Variants in POLR3E observed in about 807,000 individuals in gnomAD.
POLR3E encodes DNA-directed RNA polymerase III subunit RPC5.
POLR3E carries 41 observed loss-of-function variants against 96.6 expected under a neutral mutation model. The observed-to-expected ratio is 0.42, with a 90% confidence interval of 0.33 to 0.55. POLR3E has a LOEUF of 0.55. Ranked by LOEUF, POLR3E falls within the 20% of genes least tolerant of loss-of-function variation. The pLI, the probability that POLR3E is intolerant of heterozygous loss-of-function variation, is 0.06. For synonymous variants in POLR3E, 396 were observed against 383.6 expected (o/e 1.03, Z -0.38); for missense variants, 849 against 952.1 (o/e 0.89, Z 1.43).
At chr16:22,305,337 C>G in intron 3 of POLR3E, 131 bp downstream of exon 3, 1 of 768,012 alleles carries the variant, frequency 1.3e-6, no homozygotes, top group Non-Finnish European at 2.4e-6. Flanking sequence ...CATGGGGTCT[C>G]TTTGCTTTCG....
chr16:22,321,512 C>T (rs772777958), intron 13 of POLR3E, among the ~76,000 whole-genome samples: 1 of 152,180 alleles, frequency 6.6e-6, no homozygotes, highest in African/African-American at 2.4e-5. Flanking sequence ...TTTGCAATGG[C>T]GCATCGCGTA....
chr16:22,330,888 G>A (rs1293598077), intron 19 of POLR3E, among the ~76,000 whole-genome samples: 1 of 149,752 alleles, frequency 6.7e-6, no homozygotes, highest in Non-Finnish European at 1.5e-5. Context: ...AGCTAAGTAT[G>A]GAACAATGTG....
chr16:22,330,846 C>T (rs58893423), intron 19 of POLR3E, among the ~76,000 whole-genome samples: 1 of 152,124 alleles, frequency 6.6e-6, no homozygotes, highest in Non-Finnish European at 1.5e-5. Flanking sequence ...TCCATCTCCT[C>T]TTAATGTTTG....
At position 22,313,783 on chromosome 16, in the gene POLR3E, C is replaced by A; in HGVS notation, c.472+56C>A. On this transcript the variant is annotated intron_variant, in intron 7 of 20. Coordinates refer to ENST00000299853, the MANE Select transcript of POLR3E (RefSeq NM_018119.4). The surrounding 1 kb of genome is among the most constrained non-coding windows in gnomAD (Gnocchi z 4.1). ...GCCTGCCTTCATCCTGGTGGGATGG[C>A]TTGGTCCTGGGAAGAGGGATGGGAT... is the stretch of plus-strand genomic sequence containing the variant. 8.0e-7 allele frequency: 1 copy of A among 1,247,954 alleles called. No homozygotes were observed. Among genetic ancestry groups the A allele is most frequent in the East Asian group, 2.3e-5 (1 of 43,152 alleles). The allele number at this position is 1,247,954 out of a possible 1,614,324, so 77.3% of individuals were successfully genotyped here. A position where few individuals can be genotyped will look rare whatever the true frequency, so the allele number is the denominator to read the frequency against.
At chr16:22,331,495 G>A (rs1421338085) in intron 19 of POLR3E, 1 of 152,328 alleles carries the variant, frequency 6.6e-6, no homozygotes, top group East Asian at 1.9e-4. Context: ...ATAAAATCCT[G>A]TGAGTTGTTA....
At chr16:22,323,808 C>T (rs1189367222) in intron 14 of POLR3E, among the ~76,000 whole-genome samples, 1 of 152,124 alleles carries the variant, frequency 6.6e-6, no homozygotes. Flanking sequence ...GGGGTGTGGT[C>T]CAGTCTATGT....
In POLR3E at chr16:22,313,970, C is replaced by T. The variant is rs561323223; in HGVS notation, c.473-109C>T. On this transcript the variant is annotated intron_variant, in intron 7 of 20. Coordinates refer to ENST00000299853, the MANE Select transcript of POLR3E (RefSeq NM_018119.4). The surrounding 1 kb of genome is among the most constrained non-coding windows in gnomAD (Gnocchi z 4.1). Reference sequence around the variant, plus strand: ...CCACTGGCTTAGGCAGCTCCCTCTGCGAGGAGAACTCCCAGCACCCCGGCC... The same window carrying T: ...CCACTGGCTTAGGCAGCTCCCTCTGTGAGGAGAACTCCCAGCACCCCGGCC... 6.2e-6 allele frequency: 6 copies of T among 967,650 alleles called. No homozygotes were observed. In the South Asian group the frequency reaches 8.0e-5, roughly 13 times the overall value. The allele number at this position is 967,650 out of a possible 1,614,324, so 59.9% of individuals were successfully genotyped here.
At chr16:22,301,648 G>T (rs999307993) in intron 1 of POLR3E, among the ~76,000 whole-genome samples, 1 of 147,952 alleles carries the variant, frequency 6.8e-6, no homozygotes, top group Non-Finnish European at 1.5e-5. Flanking sequence ...GGTCTCAGCC[G>T]GGCGCAGTGG....
intron 19 of POLR3E, 82 bp downstream of exon 19, chr16:22,328,669 C>A: frequency 1.8e-6 from 2 of 1,088,696 alleles, no homozygotes; most frequent in Non-Finnish European, 2.8e-6. Context: ...ACATGTGCAC[C>A]CAAAGTGCAG....
At chr16:22,301,486 C>T (rs1192064018) in intron 1 of POLR3E, among the ~76,000 whole-genome samples, 1 of 152,150 alleles carries the variant, frequency 6.6e-6, no homozygotes, top group Admixed American at 6.5e-5. Flanking sequence ...GAGGCTGAGG[C>T]AGGAGAATCA....
At chr16:22,327,822 T>C (rs1449321315) in intron 18 of POLR3E, 1 of 152,284 alleles carries the variant, frequency 6.6e-6, no homozygotes, top group East Asian at 1.9e-4. Context: ...CAGTTTCTAA[T>C]GCTCAAATGC....
chr16:22,334,976 T>G lies in POLR3E; in HGVS notation c.*1276T>G, dbSNP rs113100028. 16 of 152,256 alleles carry G rather than the reference T, an allele frequency of 1.1e-4. No homozygotes were observed. The highest frequency in any genetic ancestry group is 1.5e-5 in the Non-Finnish European group (1 of 68,054). The allele number at this position is 152,256 out of a possible 1,614,324, so 9.4% of individuals were successfully genotyped here. On this transcript the variant is annotated 3_prime_UTR_variant, in exon 21 of 21. Transcript: ENST00000299853. ...TCTAATATTTTAGCTATAGAATCAC[T>G]AAGGCATTGATCAAGGATGTACTTT...
chr16:22,327,011 C>G (rs2048611224), intron 18 of POLR3E: 1 of 152,760 alleles, frequency 6.5e-6, no homozygotes, highest in African/African-American at 2.4e-5. Flanking sequence ...AGAGTGCTTG[C>G]TGGGGACCGT....
Position 22,308,193 on chromosome 16 carries a change from C to T in POLR3E, c.133C>T (p.Leu45Phe), listed in dbSNP as rs778642427. ...ASMTYDDIPH[L>F]SAKIKPKQQK... ...GATGACCTACGATGACATTCCGCACCTCTCAGCCAAGATCAAGCCCAAGCA... is the reference window on the plus strand; with the variant it reads ...GATGACCTACGATGACATTCCGCACTTCTCAGCCAAGATCAAGCCCAAGCA... The change falls in exon 4 of 21, where the codon CTC (leucine) becomes TTC (phenylalanine). Residue 45 changes from leucine to phenylalanine, a missense_variant. Coordinates refer to ENST00000299853, the MANE Select transcript of POLR3E (RefSeq NM_018119.4). 3.1e-6 allele frequency: 5 copies of T among 1,613,678 alleles called. No homozygotes were observed. The East Asian group carries it at 6.7e-5, about 22-fold the overall frequency.
At chr16:22,325,328 C>A in intron 17 of POLR3E, 62 bp downstream of exon 17, 1 of 1,337,920 alleles carries the variant, frequency 7.5e-7, no homozygotes, top group Non-Finnish European at 1.1e-6. Context: ...GGAAGGGCTG[C>A]TGTGCTAGAG....
In POLR3E at chr16:22,313,153, T is replaced by A. The variant is rs1393700304; in HGVS notation, c.365-467T>A. On this transcript the variant is annotated intron_variant, in intron 6 of 20. Coordinates refer to ENST00000299853, the MANE Select transcript of POLR3E (RefSeq NM_018119.4). The surrounding 1 kb of genome is among the most constrained non-coding windows in gnomAD (Gnocchi z 4.1). Reference sequence around the variant, plus strand: ...TCTTCTCCAGCCACAGTGGCACTAGTGGACTTCCTAGTGGAACGGGTGGGA... The same window carrying A: ...TCTTCTCCAGCCACAGTGGCACTAGAGGACTTCCTAGTGGAACGGGTGGGA... Among the ~76,000 whole-genome samples the A allele has an allele frequency of 6.6e-6, 1 of 152,048 alleles. No homozygotes were observed. Among genetic ancestry groups the A allele is most frequent in the African/African-American group, 2.4e-5 (1 of 41,392 alleles).
chr16:22,303,144 CT>C, intron 2 of POLR3E, 140 bp downstream of exon 2: 1 of 807,550 alleles, frequency 1.2e-6, no homozygotes, highest in Non-Finnish European at 2.2e-6. Flanking sequence ...CTGGTCCCCT[CT>C]GCTGTCCCCC....
chr16:22,305,654 G>A (rs1340992257), intron 3 of POLR3E, among the ~76,000 whole-genome samples: 1 of 152,146 alleles, frequency 6.6e-6, no homozygotes, highest in Non-Finnish European at 1.5e-5. Flanking sequence ...GATGGCCGCT[G>A]TTGTCATGGA....
intron 2 of POLR3E, among the ~76,000 whole-genome samples, chr16:22,303,661 G>C (rs1333036630): frequency 9.2e-6 from 1 of 108,116 alleles, no homozygotes; most frequent in Non-Finnish European, 1.6e-5. Flanking sequence ...TTTTTTTGGA[G>C]ACAGAGTCTT....
Sources: gnomAD v4.1 joint callset for allele counts (sites outside exome capture counted in the v4.1 genomes callset) on GRCh38, gnomAD v4.1.1 for gene constraint, Gnocchi (gnomAD v3.1) non-coding constraint, MANE v1.5 for transcripts, NCBI Gene and HGNC (gene_info 2026-07-23, HGNC 2026-07-21) for gene names.